Variants in PRKCB observed in about 807,000 individuals in gnomAD.
The protein encoded by PRKCB is protein kinase C beta type.
In PRKCB, 13 loss-of-function variants were observed where a neutral mutation model predicts 81.5. That is an observed-to-expected ratio of 0.16 (90% CI 0.10 to 0.25). The LOEUF (loss-of-function observed/expected upper bound fraction) is 0.25, where lower values mean the gene tolerates loss of function less well. Ranked by LOEUF, PRKCB falls within the 10% of genes least tolerant of loss-of-function variation. PRKCB has a pLI of 1.00. For synonymous variants in PRKCB, 335 were observed against 321.4 expected (o/e 1.04, Z -0.45); for missense variants, 509 against 875.7 (o/e 0.58, Z 5.29).
chr16:24,065,071 AT>A (rs1024789282), intron 5 of PRKCB, among the ~76,000 whole-genome samples: 39 of 147,818 alleles, frequency 2.6e-4, no homozygotes, highest in African/African-American at 9.6e-4. Context: ...ATATATATAT[AT>A]TTTTCCCCCT....
chr16:23,877,893 G>A (rs1253005469), intron 2 of PRKCB, among the ~76,000 whole-genome samples: 1 of 151,662 alleles, frequency 6.6e-6, no homozygotes, highest in Non-Finnish European at 1.5e-5. Flanking sequence ...GAGTGCAGTG[G>A]CATGATCTCG....
At chr16:24,095,856 C>T (rs1966432051) in intron 7 of PRKCB, among the ~76,000 whole-genome samples, 1 of 151,774 alleles carries the variant, frequency 6.6e-6, no homozygotes, top group South Asian at 2.1e-4. Context: ...GGGAAAGTTG[C>T]AAATCTTGTG....
At chr16:24,193,749 T>G (rs193038667) in intron 16 of PRKCB, among the ~76,000 whole-genome samples, 2 of 152,154 alleles carry the variant, frequency 1.3e-5, no homozygotes, top group East Asian at 3.9e-4. Context: ...GGAAGAGGGC[T>G]GGTGAGATAG....
chr16:24,142,806 C>T (rs1304373534), intron 9 of PRKCB, among the ~76,000 whole-genome samples: 4 of 152,106 alleles, frequency 2.6e-5, no homozygotes, highest in Non-Finnish European at 5.9e-5. Flanking sequence ...CAGGAGATAG[C>T]CCCAGAGATC....
chr16:24,049,351 AC>A (rs1357533995), intron 5 of PRKCB, among the ~76,000 whole-genome samples: 8 of 56,872 alleles, frequency 1.4e-4, no homozygotes, highest in Admixed American at 1.2e-3. Flanking sequence ...CGGGACCTGC[AC>A]CTTAACCACT....
rs56897816 is a variant in PRKCB at position 23,900,718 on chromosome 16, G to GTTTTTTTTTTTTTTTTTTTT, written c.205+63325_205+63344dup. Among the ~76,000 whole-genome samples, 5 of 62,266 alleles carry GTTTTTTTTTTTTTTTTTTTT rather than the reference G, an allele frequency of 8.0e-5. 1 individual carries two copies. Among genetic ancestry groups the GTTTTTTTTTTTTTTTTTTTT allele is most frequent in the African/African-American group, 3.5e-4 (5 of 14,276 alleles). The allele number at this position is 62,266 out of a possible 152,430, so 40.8% of individuals were successfully genotyped here. On this transcript the variant is annotated intron_variant, in intron 2 of 16. Transcript: ENST00000643927. ...CTCATTCATTTTAACAGCTGCACAG[G>GTTTTTTTTTTTTTTTTTTTT]TTTTTTTTTTTTTTTTTTTTTTTTT...
At chr16:23,934,022 CA>C (rs1964022770) in intron 2 of PRKCB, among the ~76,000 whole-genome samples, 1 of 630 alleles carries the variant, frequency 1.6e-3, no homozygotes, top group Non-Finnish European at 2.7e-3. Context: ...TCTACCCACT[CA>C]TCCATCCATC....
chr16:24,118,306 G>A (rs1966758643), intron 8 of PRKCB, among the ~76,000 whole-genome samples: 1 of 152,268 alleles, frequency 6.6e-6, no homozygotes, highest in South Asian at 2.1e-4. Context: ...TTAGCAGAGT[G>A]TCTCACATGT....
intron 3 of PRKCB, among the ~76,000 whole-genome samples, chr16:24,005,558 G>T (rs892819704): frequency 6.6e-6 from 1 of 152,198 alleles, no homozygotes; most frequent in Non-Finnish European, 1.5e-5. Context: ...TCCAAATGTG[G>T]TTACTCTTGA....
chr16:24,095,478 A>G (rs1966428291), intron 7 of PRKCB, among the ~76,000 whole-genome samples: 1 of 152,106 alleles, frequency 6.6e-6, no homozygotes. Flanking sequence ...AGGAAGGCAA[A>G]AGCCTGAAAA....
At chr16:23,995,555 C>A (rs1964944911) in intron 3 of PRKCB, among the ~76,000 whole-genome samples, 1 of 152,142 alleles carries the variant, frequency 6.6e-6, no homozygotes, top group African/African-American at 2.4e-5. Context: ...GACGATTTGA[C>A]CATGGGCCAC....
At chr16:24,115,124 G>C (rs912296034) in intron 8 of PRKCB, among the ~76,000 whole-genome samples, 2 of 152,224 alleles carry the variant, frequency 1.3e-5, no homozygotes, top group South Asian at 4.1e-4. Flanking sequence ...AAGCCAAAGA[G>C]AGTCCAAGGA....
At chr16:23,970,478 G>C (rs1349011618) in intron 2 of PRKCB, among the ~76,000 whole-genome samples, 1 of 152,182 alleles carries the variant, frequency 6.6e-6, no homozygotes, top group Non-Finnish European at 1.5e-5. Flanking sequence ...ACTGGAGCCA[G>C]ACCGAATTGT....
At chr16:23,964,993 C>T (rs1964469206) in intron 2 of PRKCB, among the ~76,000 whole-genome samples, 1 of 152,132 alleles carries the variant, frequency 6.6e-6, no homozygotes. Flanking sequence ...TCATCACTTA[C>T]CTCCTTTTGT....
intron 2 of PRKCB, among the ~76,000 whole-genome samples, chr16:23,945,515 A>G (rs1003562686): frequency 1.3e-5 from 2 of 152,122 alleles, no homozygotes; most frequent in Admixed American, 1.3e-4. Flanking sequence ...GGGGCCCAAT[A>G]AGTACTGGCT....
Position 24,218,201 on chromosome 16 carries a change from A to C in PRKCB, c.*3385A>C, listed in dbSNP as rs777137115. ...AATAAACAAGACAATTTCTGAAAGC[A>C]ATAAGTGCAATCAAGATAATTAAAG... On this transcript the variant is annotated 3_prime_UTR_variant, in exon 17 of 17. Coordinates refer to ENST00000643927, the MANE Select transcript of PRKCB (RefSeq NM_002738.7). 1.3e-5 allele frequency: 13 copies of C among 985,416 alleles called. No homozygotes were observed. Among genetic ancestry groups the C allele is most frequent in the Non-Finnish European group, 1.4e-5 (12 of 829,932 alleles). 61.0% of individuals were successfully genotyped at this position (985,416 alleles called of 1,614,324 possible).
chr16:24,081,716 A>G (rs1357377637), intron 5 of PRKCB, among the ~76,000 whole-genome samples: 2 of 152,124 alleles, frequency 1.3e-5, no homozygotes, highest in African/African-American at 4.8e-5. Flanking sequence ...TCTACTAAAA[A>G]TACAAAAATT....
At chr16:23,928,166 C>A (rs1228299787) in intron 2 of PRKCB, among the ~76,000 whole-genome samples, 1 of 152,002 alleles carries the variant, frequency 6.6e-6, no homozygotes, top group African/African-American at 2.4e-5. Flanking sequence ...ACTCTTGTTG[C>A]CCAGGCTGGA....
chr16:24,213,006 A>ATGTT lies in PRKCB; in HGVS notation c.1864-1651_1864-1650insGTTT, dbSNP rs1555502936. On this transcript the variant is annotated intron_variant, in intron 16 of 16. Transcript: ENST00000643927. ...GCCACCAGGCTGCCACCGTACTTGT[A>ATGTT]TATTTATTTATTTATTTATTTATTT... 8.1e-3 allele frequency among the ~76,000 whole-genome samples: 1,167 copies of ATGTT among 143,816 alleles called. 26 individuals are homozygous for ATGTT. Among genetic ancestry groups the ATGTT allele is most frequent in the African/African-American group, 0.029 (1,126 of 38,666 alleles). 94.3% of individuals were successfully genotyped at this position (143,816 alleles called of 152,430 possible).
Sources: gnomAD v4.1 joint callset for allele counts (sites outside exome capture counted in the v4.1 genomes callset) on GRCh38, gnomAD v4.1.1 for gene constraint, MANE v1.5 for transcripts, NCBI Gene and HGNC (gene_info 2026-07-23, HGNC 2026-07-21) for gene names.